AOAH: variants seen among roughly 807,000 people sequenced by gnomAD.
AOAH encodes the protein acyloxyacyl hydrolase, also known as acyloxyacyl hydrolase (neutrophil).
Under a neutral mutation model 92.2 loss-of-function variants are expected in AOAH, and 64 were observed. The observed-to-expected ratio is 0.69, with a 90% confidence interval of 0.57 to 0.86. The LOEUF (loss-of-function observed/expected upper bound fraction) is 0.86. AOAH is among the 40% of genes least tolerant of loss of function. The pLI is 0.00. For missense variants in AOAH, 656 were observed against 694.6 expected (o/e 0.94, Z 0.62); for synonymous variants, 263 against 254.5 (o/e 1.03, Z -0.32).
chr7:36,663,226 T>G (rs1477018212), intron 3 of AOAH, among the ~76,000 whole-genome samples: 1 of 152,182 alleles, frequency 6.6e-6, no homozygotes, highest in South Asian at 2.1e-4. Flanking sequence ...CCCATTGACC[T>G]CCTGCCCCGA....
chr7:36,668,217 T>TCTC (rs1795677551), intron 3 of AOAH, among the ~76,000 whole-genome samples: 1 of 151,428 alleles, frequency 6.6e-6, no homozygotes, highest in Non-Finnish European at 1.5e-5. Flanking sequence ...GTGTCTCTAA[T>TCTC]AACTACTATG....
At chr7:36,580,956 C>T (rs1327713239) in intron 12 of AOAH, among the ~76,000 whole-genome samples, 2 of 152,214 alleles carry the variant, frequency 1.3e-5, no homozygotes, top group South Asian at 2.1e-4. Flanking sequence ...GTAGGATACT[C>T]CTCTCCTCAT....
chr7:36,562,135 T>G (rs919500583), intron 13 of AOAH, among the ~76,000 whole-genome samples: 3 of 152,222 alleles, frequency 2.0e-5, no homozygotes, highest in African/African-American at 7.2e-5. Context: ...TGTAATTAGT[T>G]TATGCAATTC....
intron 13 of AOAH, among the ~76,000 whole-genome samples, chr7:36,551,106 C>T (rs1786210425): frequency 7.1e-6 from 1 of 139,964 alleles, no homozygotes; most frequent in African/African-American, 2.6e-5. Context: ...CAGAGTCTTG[C>T]TCTGTTGCCC....
intron 13 of AOAH, among the ~76,000 whole-genome samples, chr7:36,553,419 C>T (rs1222054468): frequency 6.6e-6 from 1 of 151,338 alleles, no homozygotes; most frequent in Non-Finnish European, 1.5e-5. Context: ...CAAGTCTTTG[C>T]TATTGTGAAT....
chr7:36,703,546 C>T (rs10264136), intron 1 of AOAH, among the ~76,000 whole-genome samples: 1 of 152,084 alleles, frequency 6.6e-6, no homozygotes, highest in African/African-American at 2.4e-5. Context: ...CCTCCCCTTG[C>T]CTCCCACCCA....
chr7:36,540,486 C>T lies in AOAH; in HGVS notation c.1139G>A (p.Ser380Asn). ...AGTGGTCATGGCTGGGACTGGGTCA[C>T]TCTTCCTGTTGGTGGAATAAACAGA... Reference protein sequence around the residue: ...MIGNDVCSGKSDPVPAMTTPE... With the variant: ...MIGNDVCSGKNDPVPAMTTPE... Residue 380 changes from serine (S) to asparagine (N), a missense_variant, in exon 16 of 21, where the codon AGT (serine) becomes AAT (asparagine). Ser to Asn is a conservative substitution (Grantham distance 46). Transcript: ENST00000617537. The T allele has an allele frequency of 1.2e-6, 2 of 1,605,664 alleles. No individual in the cohort carries two copies. Among genetic ancestry groups the T allele is most frequent in the Non-Finnish European group, 1.7e-6 (2 of 1,176,172 alleles).
chr7:36,670,066 GTTTTTT>G (rs200284787), intron 3 of AOAH, among the ~76,000 whole-genome samples: 1 of 150,434 alleles, frequency 6.6e-6, no homozygotes, highest in African/African-American at 2.4e-5. Context: ...TCCTTTTTTT[GTTTTTT>G]TTTTTTAACA....
intron 1 of AOAH, among the ~76,000 whole-genome samples, chr7:36,720,985 A>C (rs1799594286): frequency 6.6e-6 from 1 of 152,102 alleles, no homozygotes; most frequent in African/African-American, 2.4e-5. Flanking sequence ...TCTCTTCCAC[A>C]CACTTCTTCC....
intron 4 of AOAH, among the ~76,000 whole-genome samples, chr7:36,645,128 C>CA (rs1794144699): frequency 6.6e-6 from 1 of 152,108 alleles, no homozygotes; most frequent in African/African-American, 2.4e-5. Flanking sequence ...CTGTGCCCCC[C>CA]ACCCCAACCA....
At chr7:36,559,799 T>A (rs954307687) in intron 13 of AOAH, among the ~76,000 whole-genome samples, 1 of 152,176 alleles carries the variant, frequency 6.6e-6, no homozygotes, top group African/African-American at 2.4e-5. Context: ...TTAGTCATAA[T>A]TTTTTTCCCA....
intron 1 of AOAH, among the ~76,000 whole-genome samples, chr7:36,721,020 G>A (rs976716250): frequency 3.9e-5 from 6 of 152,106 alleles, no homozygotes; most frequent in East Asian, 1.9e-4. Context: ...GCGAGAGAGC[G>A]GACCTCACTG....
Position 36,536,435 on chromosome 7 carries a change from A to G in AOAH, c.1306+3884T>C, listed in dbSNP as rs560902073. ...ACAACCCTTAACACGGTGCCCAGGA[A>G]TCAGACTTGAGTGTCCAGCTGCTGA... On this transcript the variant is annotated intron_variant, in intron 16 of 20. Coordinates refer to ENST00000617537, the MANE Select transcript of AOAH (RefSeq NM_001637.4). 2.0e-5 allele frequency among the ~76,000 whole-genome samples: 3 copies of G among 152,196 alleles called. No homozygotes were observed. The South Asian group carries it at 6.2e-4, about 32-fold the overall frequency.
chr7:36,657,365 C>T (rs73689813), intron 4 of AOAH, among the ~76,000 whole-genome samples: 8 of 152,106 alleles, frequency 5.3e-5, no homozygotes, highest in Admixed American at 3.9e-4. Context: ...AAAAAGGAGT[C>T]GAAATGACAC....
At chr7:36,680,482 CT>C (rs1452711446) in intron 2 of AOAH, among the ~76,000 whole-genome samples, 1 of 152,124 alleles carries the variant, frequency 6.6e-6, no homozygotes, top group Admixed American at 6.5e-5. Flanking sequence ...ATTTCATATC[CT>C]TCTGTCCCCC....
chr7:36,676,122 G>T (rs774101393), intron 2 of AOAH, among the ~76,000 whole-genome samples: 3 of 152,134 alleles, frequency 2.0e-5, no homozygotes, highest in African/African-American at 4.8e-5. Context: ...CCAGGAGAAT[G>T]AGGCAAGAAA....
intron 11 of AOAH, among the ~76,000 whole-genome samples, chr7:36,595,546 A>C (rs1289436026): frequency 2.6e-5 from 4 of 152,190 alleles, no homozygotes; most frequent in Admixed American, 6.5e-5. Flanking sequence ...AAAATAAATA[A>C]ATACATACAT....
At chr7:36,654,428 C>T (rs768260434) in intron 4 of AOAH, among the ~76,000 whole-genome samples, 17 of 152,286 alleles carry the variant, frequency 1.1e-4, no homozygotes, top group East Asian at 3.9e-4. Context: ...TAGGGAGACA[C>T]GTCCACAGGA....
chr7:36,579,938 G>C (rs184749286), intron 12 of AOAH, among the ~76,000 whole-genome samples: 44 of 152,280 alleles, frequency 2.9e-4, no homozygotes, highest in African/African-American at 9.4e-4. Flanking sequence ...TCCCTCACAA[G>C]TCTGAAGGAA....
Sources: allele counts gnomAD v4.1 joint callset (sites outside exome capture counted in the v4.1 genomes callset), GRCh38; gene constraint gnomAD v4.1.1; transcripts MANE v1.5; gene names NCBI Gene and HGNC (gene_info 2026-07-23, HGNC 2026-07-21).